EXOC5: variants seen among roughly 807,000 people sequenced by gnomAD.
EXOC5 encodes SEC10-like 1.
In EXOC5, 17 loss-of-function variants were observed where a neutral mutation model predicts 90.8. That is an observed-to-expected ratio of 0.19 (90% confidence interval 0.13 to 0.28). The LOEUF is 0.28. Among genes scored for constraint, EXOC5 ranks in the 10% least tolerant of loss-of-function variants. The probability of loss-of-function intolerance (pLI) is 1.00; values close to 1 mark genes in which losing one functional copy is unlikely to be tolerated. For missense variants in EXOC5, 569 were observed against 830.6 expected, an observed-to-expected ratio of 0.69 and a Z score of 3.87; for synonymous variants, 260 against 270.0, an observed-to-expected ratio of 0.96 and a Z score of 0.36.
Position 57,206,093 on chromosome 14 carries a change from G to A in EXOC5, c.*2516C>T, listed in dbSNP as rs952962186. On this transcript the variant is annotated 3_prime_UTR_variant, in exon 18 of 18. Coordinates refer to ENST00000621441, the MANE Select transcript of EXOC5 (RefSeq NM_006544.4). ...AGAAAAACAATGCACAGTGTGTTAA[G>A]AGCATATTTTCAACTTCATTCAATG... The A allele has an allele frequency of 7.2e-6, 3 of 419,304 alleles. No individual in the cohort carries two copies. The highest frequency in any genetic ancestry group is 1.4e-5 in the Non-Finnish European group (3 of 211,464). The allele number at this position is 419,304 out of a possible 1,614,324, so 26.0% of individuals were successfully genotyped here.
intron 1 of EXOC5, among the ~76,000 whole-genome samples, chr14:57,259,408 C>G (rs1412265131): frequency 6.6e-6 from 1 of 152,150 alleles, no homozygotes; most frequent in East Asian, 1.9e-4. Flanking sequence ...CAAGTTCACA[C>G]TCTTATATCT....
chr14:57,226,293 G>A (rs72720608), intron 12 of EXOC5, among the ~76,000 whole-genome samples: 47 of 152,246 alleles, frequency 3.1e-4, no homozygotes, highest in Non-Finnish European at 5.9e-4. Flanking sequence ...AGTGATTTGG[G>A]GGTCCAGAGA....
At position 57,244,116 on chromosome 14, in the gene EXOC5, G is replaced by A. The variant is rs376624284; in HGVS notation, c.465+49C>T. 1.1e-4 allele frequency: 132 copies of A among 1,227,180 alleles called. No homozygotes were observed. In the South Asian group the frequency reaches 1.5e-3, roughly 14 times the overall value. 76.0% of individuals were successfully genotyped at this position (1,227,180 alleles called of 1,614,324 possible). Reference sequence around the variant, plus strand: ...GCAATTATTGCAGCTCATAATTAGGGCACTGTTATTAATGCTGTGATTTGG... The same window carrying A: ...GCAATTATTGCAGCTCATAATTAGGACACTGTTATTAATGCTGTGATTTGG... On this transcript the variant is annotated intron_variant, in intron 4 of 17. Coordinates refer to ENST00000621441, the MANE Select transcript of EXOC5 (RefSeq NM_006544.4).
chr14:57,244,926 G>A (rs1883990994), intron 3 of EXOC5, among the ~76,000 whole-genome samples: 1 of 151,180 alleles, frequency 6.6e-6, no homozygotes, highest in Non-Finnish European at 1.5e-5. Flanking sequence ...AACTCAGGAG[G>A]CAGAGGTTGC....
chr14:57,235,868 G>A (rs750441813), intron 6 of EXOC5, 48 bp from the exon 7 acceptor site: 35 of 866,760 alleles, frequency 4.0e-5, no homozygotes, highest in Admixed American at 8.0e-5. Flanking sequence ...AGGCATCCAC[G>A]TTATTTAAGA....
chr14:57,233,905 T>C (rs1358385560), intron 8 of EXOC5, 22 bp from the exon 9 acceptor site: 2 of 1,604,500 alleles, frequency 1.2e-6, no homozygotes, highest in Admixed American at 3.3e-5. Context: ...AGACATTTTA[T>C]ACAGTGAACA....
chr14:57,266,973 GAT>G, intron 1 of EXOC5, among the ~76,000 whole-genome samples: 1 of 152,058 alleles, frequency 6.6e-6, no homozygotes, highest in Non-Finnish European at 1.5e-5. Flanking sequence ...TAACTCAAAG[GAT>G]AATGTCTTAT....
chr14:57,261,517 C>G (rs564518678), intron 1 of EXOC5, among the ~76,000 whole-genome samples: 3 of 152,220 alleles, frequency 2.0e-5, no homozygotes, highest in Non-Finnish European at 4.4e-5. Flanking sequence ...CCACTAAGAC[C>G]AGCAGAAGGC....
chr14:57,253,539 C>T (rs547471598), intron 1 of EXOC5, among the ~76,000 whole-genome samples: 1 of 152,086 alleles, frequency 6.6e-6, no homozygotes. Flanking sequence ...TAGACAAACC[C>T]CGAAGAGCAC....
intron 6 of EXOC5, among the ~76,000 whole-genome samples, chr14:57,236,172 G>T (rs1000214942): frequency 6.6e-6 from 1 of 151,936 alleles, no homozygotes; most frequent in Non-Finnish European, 1.5e-5. Flanking sequence ...GGGTGAAGAG[G>T]ACTACAGAAC....
intron 4 of EXOC5, chr14:57,243,710 C>A (rs892956059): frequency 6.4e-6 from 1 of 155,172 alleles, no homozygotes; most frequent in Admixed American, 6.4e-5. Flanking sequence ...TGCTTTAATT[C>A]TTTATAAGAG....
chr14:57,223,506 T>C (rs569196336), intron 12 of EXOC5, among the ~76,000 whole-genome samples: 2 of 152,194 alleles, frequency 1.3e-5, no homozygotes, highest in African/African-American at 2.4e-5. Context: ...TTATTAATAC[T>C]ACCCAACCTT....
At chr14:57,209,812 AG>A in intron 16 of EXOC5, 30 bp from the exon 17 acceptor site, 1 of 1,461,192 alleles carries the variant, frequency 6.8e-7, no homozygotes, top group Non-Finnish European at 9.5e-7. Context: ...CTCATTACAC[AG>A]GAATGTATAC....
At position 57,208,310 on chromosome 14, in the gene EXOC5, C is replaced by G. The variant is rs1882718430; in HGVS notation, c.*299G>C. On this transcript the variant is annotated 3_prime_UTR_variant, in exon 18 of 18. Coordinates refer to ENST00000621441, the MANE Select transcript of EXOC5 (RefSeq NM_006544.4). ...TAACATTTCCTTTGCCTTCTGACAG[C>G]AACATTTTCTAGGATAAAAACAGTG... 4.2e-6 allele frequency: 1 copy of G among 238,680 alleles called. No homozygotes were observed. The highest frequency in any genetic ancestry group is 2.2e-5 in the African/African-American group (1 of 44,768). The allele number at this position is 238,680 out of a possible 1,614,324, so 14.8% of individuals were successfully genotyped here. A position where few individuals can be genotyped will look rare whatever the true frequency, so the allele number is the denominator to read the frequency against.
chr14:57,251,231 T>C (rs1425064223), intron 1 of EXOC5, among the ~76,000 whole-genome samples: 1 of 152,146 alleles, frequency 6.6e-6, no homozygotes, highest in African/African-American at 2.4e-5. Context: ...TGTCCAAAAA[T>C]TCCTGGAACA....
rs763818511 is a variant in EXOC5 at position 57,268,655 on chromosome 14, C to T, written c.-7G>A. ...GCTCGGCCGTGGTAGCCATCCCGGC[C>T]GGCTGAGAGGCTCGCCCCCCACTGG... On this transcript the variant is annotated 5_prime_UTR_variant, in exon 1 of 18. Coordinates refer to ENST00000621441, the MANE Select transcript of EXOC5 (RefSeq NM_006544.4). 1.1e-5 allele frequency: 18 copies of T among 1,587,434 alleles called. No individual in the cohort carries two copies. The highest frequency in any genetic ancestry group is 7.9e-5 in the South Asian group (7 of 88,500).
chr14:57,220,673 AC>A (rs1378548762), intron 13 of EXOC5, among the ~76,000 whole-genome samples: 2 of 152,028 alleles, frequency 1.3e-5, no homozygotes, highest in Non-Finnish European at 2.9e-5. Context: ...AGTGGCATGC[AC>A]CTGTAGTTAT....
intron 4 of EXOC5, among the ~76,000 whole-genome samples, chr14:57,242,830 G>A (rs375391705): frequency 6.6e-6 from 1 of 152,178 alleles, no homozygotes; most frequent in South Asian, 2.1e-4. Flanking sequence ...CAACTGCAAA[G>A]ATATGGAACC....
Position 57,229,187 on chromosome 14 carries a change from TTA to T in EXOC5, c.1296+545_1296+546del, listed in dbSNP as rs1268662180. On this transcript the variant is annotated intron_variant, in intron 12 of 17. Transcript: ENST00000621441. ...AAAATTTGATCTGCTCAACTTTAATTTAAAGTTATATTCACATTTATTCCTAA... is the reference window on the plus strand; with the variant it reads ...AAAATTTGATCTGCTCAACTTTAATTAAGTTATATTCACATTTATTCCTAA... Among the ~76,000 whole-genome samples the T allele has an allele frequency of 2.0e-5, 3 of 152,094 alleles. No homozygotes were observed. The East Asian group carries it at 5.8e-4, about 29-fold the overall frequency.
Sources: allele counts gnomAD v4.1 joint callset (sites outside exome capture counted in the v4.1 genomes callset), GRCh38; gene constraint gnomAD v4.1.1; transcripts MANE v1.5; gene names NCBI Gene and HGNC (gene_info 2026-07-23, HGNC 2026-07-21).